Variants in VAV1 observed in about 807,000 individuals in gnomAD.
VAV1 encodes vav guanine nucleotide exchange factor 1, also known as proto-oncogene vav.
In VAV1, 33 loss-of-function variants were observed where a neutral mutation model predicts 128.1. The observed-to-expected ratio is 0.26, with a 90% CI of 0.20 to 0.34. The LOEUF (loss-of-function observed/expected upper bound fraction) is 0.34, where lower values mean the gene tolerates loss of function less well. Ranked by LOEUF, VAV1 falls within the 10% of genes least tolerant of loss-of-function variation. VAV1 has a pLI of 1.00. For synonymous variants in VAV1, 394 were observed against 409.8 expected (o/e 0.96, Z 0.47); for missense variants, 715 against 1,093.7 (o/e 0.65, Z 4.88).
chr19:6,844,666 T>C (rs111959756), intron 22 of VAV1, among the ~76,000 whole-genome samples: 13 of 152,182 alleles, frequency 8.5e-5, no homozygotes, highest in African/African-American at 3.1e-4. Context: ...TTAGAACACG[T>C]AAGAGGCAGG....
At chr19:6,845,455 C>G (rs570386652) in intron 22 of VAV1, among the ~76,000 whole-genome samples, 1 of 151,850 alleles carries the variant, frequency 6.6e-6, no homozygotes, top group Non-Finnish European at 1.5e-5. Flanking sequence ...ATAAAATTAA[C>G]CTTGTAATTG....
At chr19:6,819,466 A>T (rs1361528818) in intron 1 of VAV1, among the ~76,000 whole-genome samples, 1 of 152,198 alleles carries the variant, frequency 6.6e-6, no homozygotes, top group Non-Finnish European at 1.5e-5. Context: ...TGTACAATAC[A>T]TGGCATTTTG....
intron 1 of VAV1, among the ~76,000 whole-genome samples, chr19:6,809,741 C>T (rs1011974785): frequency 2.6e-5 from 4 of 152,088 alleles, no homozygotes; most frequent in Admixed American, 2.6e-4. Context: ...GCTGTTGCAG[C>T]CACAAAGGTG....
intron 1 of VAV1, among the ~76,000 whole-genome samples, chr19:6,774,276 C>A (rs1428694477): frequency 6.6e-6 from 1 of 151,716 alleles, no homozygotes; most frequent in Non-Finnish European, 1.5e-5. Flanking sequence ...TACAGGCGCC[C>A]GCCACCACGC....
At position 6,852,538 on chromosome 19, in the gene VAV1, G is replaced by A. The variant is rs535522169; in HGVS notation, c.2218-427G>A. Among the ~76,000 whole-genome samples the A allele has an allele frequency of 1.6e-4, 24 of 152,114 alleles. 2 individuals are homozygous for A. In the South Asian group the frequency reaches 3.5e-3, roughly 22 times the overall value. ...AGATCGAGACCATCCTGGCTAACAC[G>A]GTGAAACCCCGTCTCTACTAAAAAT... On this transcript the variant is annotated intron_variant, in intron 24 of 26. Transcript: ENST00000602142.
chr19:6,773,952 G>C (rs1970561004), intron 1 of VAV1, among the ~76,000 whole-genome samples: 1 of 151,988 alleles, frequency 6.6e-6, no homozygotes, highest in Non-Finnish European at 1.5e-5. Flanking sequence ...ACACAGTCCT[G>C]CCCTGAGGTC....
intron 1 of VAV1, among the ~76,000 whole-genome samples, chr19:6,797,717 C>T (rs1353058934): frequency 1.4e-5 from 2 of 145,170 alleles, no homozygotes; most frequent in Admixed American, 6.9e-5. Flanking sequence ...GCACTCCAGC[C>T]TGGGCAACAA....
intron 19 of VAV1, among the ~76,000 whole-genome samples, chr19:6,835,286 T>C (rs1972194150): frequency 6.6e-6 from 1 of 151,930 alleles, no homozygotes; most frequent in Non-Finnish European, 1.5e-5. Context: ...CTTTAAGGTA[T>C]GTAAAAATCA....
rs374159927 is a variant in VAV1 at position 6,779,753 on chromosome 19, C to T, written c.204+6742C>T. Among the ~76,000 whole-genome samples the T allele has an allele frequency of 8.0e-5, 12 of 149,790 alleles. 1 individual carries two copies. The East Asian group carries it at 1.6e-3, about 20-fold the overall frequency. On this transcript the variant is annotated intron_variant, in intron 1 of 26. Transcript: ENST00000602142. ...GGGGGCTGGGTGCGGTGGCTCATGCCTATAATCCTAGCACTTTGGCTTACA... is the reference window on the plus strand; with the variant it reads ...GGGGGCTGGGTGCGGTGGCTCATGCTTATAATCCTAGCACTTTGGCTTACA...
intron 23 of VAV1, 88 bp from the exon 24 acceptor site, chr19:6,850,582 G>T (rs1972645995): frequency 3.9e-6 from 5 of 1,269,622 alleles, no homozygotes; most frequent in Non-Finnish European, 5.7e-6. Context: ...CTCCCTGAAG[G>T]GGTCAAGGTT....
rs142499752 is a variant in VAV1 at position 6,797,397 on chromosome 19, T to A, written c.205-23305T>A. Reference sequence around the variant, plus strand: ...ACAAATTTATCTCTCATTCACTATGTTTTATCAAGAGTAGGAGCAAAATGG... The same window carrying A: ...ACAAATTTATCTCTCATTCACTATGATTTATCAAGAGTAGGAGCAAAATGG... On this transcript the variant is annotated intron_variant, in intron 1 of 26. Transcript: ENST00000602142. 1.6e-3 allele frequency among the ~76,000 whole-genome samples: 243 copies of A among 152,156 alleles called. 1 individual carries two copies. Among genetic ancestry groups the A allele is most frequent in the African/African-American group, 5.2e-3 (216 of 41,526 alleles).
chr19:6,833,127 A>T lies in VAV1; in HGVS notation c.1509-57A>T. ...ATACCATGGAATAGTATTCAGCCAT[A>T]AAAAGGAATAAAATACTGACCTTCT... is the stretch of plus-strand genomic sequence containing the variant. On this transcript the variant is annotated intron_variant, in intron 15 of 26. Transcript: ENST00000602142. 2.7e-6 allele frequency: 4 copies of T among 1,458,060 alleles called. 1 individual carries two copies. The allele number at this position is 1,458,060 out of a possible 1,614,324, so 90.3% of individuals were successfully genotyped here.
intron 1 of VAV1, among the ~76,000 whole-genome samples, chr19:6,819,479 A>G (rs1208768138): frequency 1.3e-5 from 2 of 152,132 alleles, no homozygotes; most frequent in Non-Finnish European, 2.9e-5. Context: ...GCATTTTGTG[A>G]TTTGCTTCTT....
At chr19:6,802,510 G>A (rs1308390831) in intron 1 of VAV1, among the ~76,000 whole-genome samples, 2 of 151,996 alleles carry the variant, frequency 1.3e-5, no homozygotes, top group African/African-American at 4.8e-5. Context: ...GATGAATCAT[G>A]CCCCCTTTCC....
intron 1 of VAV1, among the ~76,000 whole-genome samples, chr19:6,801,585 T>C (rs1005086313): frequency 6.6e-6 from 1 of 152,128 alleles, no homozygotes; most frequent in African/African-American, 2.4e-5. Flanking sequence ...GGTTGCCTGA[T>C]GAAGGGGCTG....
Position 6,822,466 on chromosome 19 carries a change from C to A in VAV1, c.606C>A (p.Ile202=), listed in dbSNP as rs777063893. The change falls in exon 6 of 27, where the codon ATC becomes ATA. Residue 202 remains isoleucine, a synonymous_variant. Transcript: ENST00000602142. This position sits in a 1 kb window ranked among gnomAD's most constrained non-coding sequence, Gnocchi z 5.9. ...AGCGCTGCTGCTGCCTGCGGGAGAT[C>A]CAGCAGACGGAGGAGAAGTACACTG... ...YDKRCCCLRE[I]QQTEEKYTDT... 9 of 1,562,262 alleles carry A rather than the reference C, an allele frequency of 5.8e-6. No individual in the cohort carries two copies. In the South Asian group the frequency reaches 1.1e-4, roughly 18 times the overall value.
chr19:6,776,653 CATCT>C (rs1207456501), intron 1 of VAV1, among the ~76,000 whole-genome samples: 1 of 152,012 alleles, frequency 6.6e-6, no homozygotes, highest in Non-Finnish European at 1.5e-5. Flanking sequence ...TCTATCCATC[CATCT>C]ACTTTTCCAT....
chr19:6,829,722 G>T, intron 13 of VAV1, 64 bp from the exon 14 acceptor site: 1 of 1,601,200 alleles, frequency 6.2e-7, no homozygotes, highest in East Asian at 2.2e-5. Flanking sequence ...TGGAGGAACT[G>T]GTCAGAGGGC....
chr19:6,829,941 A>G (rs371072820), intron 14 of VAV1, 23 bp downstream of exon 14: 6 of 1,613,688 alleles, frequency 3.7e-6, no homozygotes, highest in South Asian at 1.1e-5. Context: ...CGCCGGAACT[A>G]TGGGGTCCTC....
Sources: allele counts gnomAD v4.1 joint callset (sites outside exome capture counted in the v4.1 genomes callset), GRCh38; gene constraint gnomAD v4.1.1; non-coding constraint Gnocchi (gnomAD v3.1); transcripts MANE v1.5; gene names NCBI Gene and HGNC (gene_info 2026-07-23, HGNC 2026-07-21).